The following HS3ST3B1 variants were observed in gnomAD, a reference collection of about 807,000 sequenced individuals.
HS3ST3B1 encodes heparan sulfate-glucosamine 3-sulfotransferase 3B1, also known as heparan sulfate glucosamine 3-O-sulfotransferase 3B1.
A neutral mutation model predicts 21.3 loss-of-function variants in HS3ST3B1; 13 were observed. The observed-to-expected ratio is 0.61, with a 90% CI of 0.40 to 0.97. The LOEUF is 0.97. HS3ST3B1 is among the 50% of genes least tolerant of loss of function. The pLI is 0.00. For synonymous variants in HS3ST3B1, 234 were observed against 254.8 expected, an observed-to-expected ratio of 0.92 and a Z score of 0.78; for missense variants, 459 against 554.8, an observed-to-expected ratio of 0.83 and a Z score of 1.73.
At chr17:14,326,050 C>CGT (rs952833751) in intron 1 of HS3ST3B1, among the ~76,000 whole-genome samples, 10 of 151,630 alleles carry the variant, frequency 6.6e-5, no homozygotes, top group East Asian at 1.9e-4. Flanking sequence ...CACGTGTGTG[C>CGT]GTGTGTGTGT....
chr17:14,340,370 T>C (rs1597603099), intron 1 of HS3ST3B1, among the ~76,000 whole-genome samples: 3 of 151,980 alleles, frequency 2.0e-5, no homozygotes, highest in South Asian at 2.1e-4. Context: ...GAATTCCCCT[T>C]ACCCCTCATG....
chr17:14,348,694 T>C lies in HS3ST3B1; in HGVS notation c.*3048T>C, dbSNP rs759610310. ...TTTACACGAAAAGCTCTGATATTCA[T>C]TGGAGTACTTTATTTTTTTTCCTCA... On this transcript the variant is annotated 3_prime_UTR_variant, in exon 2 of 2. Transcript: ENST00000360954. 12 of 152,184 alleles carry C rather than the reference T, an allele frequency of 7.9e-5. No homozygotes were observed. Among genetic ancestry groups the C allele is most frequent in the Non-Finnish European group, 1.0e-4 (7 of 68,036 alleles). The allele number at this position is 152,184 out of a possible 1,614,324, so 9.4% of individuals were successfully genotyped here.
rs554817675 is a variant in HS3ST3B1 at position 14,340,259 on chromosome 17, C to T, written c.555-4769C>T. Among the ~76,000 whole-genome samples, 219 of 152,288 alleles carry T rather than the reference C, an allele frequency of 1.4e-3. 1 individual carries two copies. The highest frequency in any genetic ancestry group is 5.0e-3 in the African/African-American group (208 of 41,564). ...GTCATTTTGGCATGAACTCCTCACCCTTGATATCTTATCAGGTTCCTCAGC... is the reference window on the plus strand; with the variant it reads ...GTCATTTTGGCATGAACTCCTCACCTTTGATATCTTATCAGGTTCCTCAGC... On this transcript the variant is annotated intron_variant, in intron 1 of 1. Transcript: ENST00000360954.
intron 1 of HS3ST3B1, among the ~76,000 whole-genome samples, chr17:14,337,996 C>G (rs549686577): frequency 6.6e-6 from 1 of 151,720 alleles, no homozygotes; most frequent in South Asian, 2.1e-4. Context: ...TAAAAGAATC[C>G]CATGTTGAAG....
chr17:14,338,516 C>G (rs1388363819), intron 1 of HS3ST3B1, among the ~76,000 whole-genome samples: 1 of 151,644 alleles, frequency 6.6e-6, no homozygotes, highest in Non-Finnish European at 1.5e-5. Context: ...CATCTCGGCT[C>G]ACTGCAACCT....
At chr17:14,309,434 G>A (rs1019185284) in intron 1 of HS3ST3B1, among the ~76,000 whole-genome samples, 1 of 152,208 alleles carries the variant, frequency 6.6e-6, no homozygotes, top group Non-Finnish European at 1.5e-5. Context: ...AGCGGCCCGC[G>A]CTAGAGGTGG....
In HS3ST3B1 at chr17:14,302,069, A is replaced by G; in HGVS notation, c.551A>G (p.Tyr184Cys). 1 of 1,597,430 alleles carries G rather than the reference A, an allele frequency of 6.3e-7. No homozygotes were observed. The highest frequency in any genetic ancestry group is 8.5e-7 in the Non-Finnish European group (1 of 1,176,536). The part of the protein sequence containing the change: ...DRSYDKGLAW[Y>C]RDLMPRTLDG... ...AGCTACGACAAGGGCCTCGCTTGGT[A>G]CCGGTGAGTTTCCCTGCCAGGGGCA... Residue 184 changes from tyrosine to cysteine, a missense_variant, in exon 1 of 2, where the codon TAC (tyrosine) becomes TGC (cysteine). Around this residue, in one of 3 missense-constraint regions of HS3ST3B1, gnomAD observed 317 missense variants for 278.6 expected, o/e 1.14. Coordinates refer to ENST00000360954, the MANE Select transcript of HS3ST3B1 (RefSeq NM_006041.3).
intron 1 of HS3ST3B1, among the ~76,000 whole-genome samples, chr17:14,309,258 G>A (rs930732346): frequency 6.6e-5 from 10 of 152,220 alleles, no homozygotes; most frequent in African/African-American, 2.2e-4. Flanking sequence ...CCTCTGGCCC[G>A]GGGGCCGCTG....
intron 1 of HS3ST3B1, among the ~76,000 whole-genome samples, chr17:14,338,785 C>G (rs1597602324): frequency 6.6e-6 from 1 of 152,116 alleles, no homozygotes; most frequent in Non-Finnish European, 1.5e-5. Context: ...AAATTGAAAG[C>G]CTGAAATACT....
At chr17:14,307,245 T>A (rs1909164080) in intron 1 of HS3ST3B1, among the ~76,000 whole-genome samples, 1 of 152,194 alleles carries the variant, frequency 6.6e-6, no homozygotes, top group African/African-American at 2.4e-5. Flanking sequence ...AATTACATGT[T>A]GGCTAAACTA....
At chr17:14,327,712 C>A (rs1909860146) in intron 1 of HS3ST3B1, 2 of 152,168 alleles carry the variant, frequency 1.3e-5, no homozygotes, top group Admixed American at 1.3e-4. Flanking sequence ...CAGTCATTAG[C>A]TTTAAGCCTT....
chr17:14,345,136 C>T lies in HS3ST3B1; in HGVS notation c.663C>T (p.Thr221=). The T allele has an allele frequency of 6.3e-7, 1 of 1,588,450 alleles. No homozygotes were observed. The highest frequency in any genetic ancestry group is 8.6e-7 in the Non-Finnish European group (1 of 1,163,546). Reference sequence around the variant, plus strand: ...GCATCTCGGCCATGTCCAAGGACACCAAGCTCATCGTGGTGGTGCGGGACC... The same window carrying T: ...GCATCTCGGCCATGTCCAAGGACACTAAGCTCATCGTGGTGGTGCGGGACC... The part of the protein sequence containing the change: ...PARISAMSKD[T]KLIVVVRDPV... The change falls in exon 2 of 2, where the codon ACC becomes ACT. Residue 221 remains threonine, a synonymous_variant. Coordinates refer to ENST00000360954, the MANE Select transcript of HS3ST3B1 (RefSeq NM_006041.3).
rs774248446 is a variant in HS3ST3B1 at position 14,345,567 on chromosome 17, T to G, written c.1094T>G (p.Val365Gly). Residue 365 changes from valine to glycine, a missense_variant, in exon 2 of 2, where the codon GTG becomes GGG. By Grantham distance (109) the Val-to-Gly change is moderately radical. Around this residue, in one of 3 missense-constraint regions of HS3ST3B1, gnomAD observed 127 missense variants for 209.9 expected, o/e 0.60. Coordinates refer to ENST00000360954, the MANE Select transcript of HS3ST3B1 (RefSeq NM_006041.3). The stretch of plus-strand genomic sequence containing the variant: ...CATCCTGAGATCGACCGCGAGGTGG[T>G]GCGCAGGCTGCGCGAGTTCTACCGG... ...RTHPEIDREV[V>G]RRLREFYRPF... is the part of the protein sequence containing the mutation. 1 of 1,565,462 alleles carries G rather than the reference T, an allele frequency of 6.4e-7. No individual in the cohort carries two copies. Among genetic ancestry groups the G allele is most frequent in the Non-Finnish European group, 8.6e-7 (1 of 1,160,426 alleles).
At chr17:14,313,563 C>T (rs749676400) in intron 1 of HS3ST3B1, among the ~76,000 whole-genome samples, 1 of 152,162 alleles carries the variant, frequency 6.6e-6, no homozygotes, top group Non-Finnish European at 1.5e-5. Flanking sequence ...CAAGACTTCC[C>T]TCCGTCATTT....
At chr17:14,318,020 A>T (rs1909551444) in intron 1 of HS3ST3B1, among the ~76,000 whole-genome samples, 2 of 152,164 alleles carry the variant, frequency 1.3e-5, no homozygotes, top group African/African-American at 4.8e-5. Context: ...TGGTGTTTGC[A>T]AATATGGCTG....
At chr17:14,304,857 C>A (rs1307626560) in intron 1 of HS3ST3B1, 1 of 152,222 alleles carries the variant, frequency 6.6e-6, no homozygotes. Flanking sequence ...ATGGTTGAGT[C>A]TGAGGATCAG....
intron 1 of HS3ST3B1, among the ~76,000 whole-genome samples, chr17:14,334,038 G>A (rs1039707514): frequency 6.6e-6 from 1 of 152,204 alleles, no homozygotes; most frequent in Non-Finnish European, 1.5e-5. Flanking sequence ...TGGGATTACA[G>A]GCGTGAGCCA....
intron 1 of HS3ST3B1, among the ~76,000 whole-genome samples, chr17:14,332,935 G>T (rs1327136700): frequency 6.6e-6 from 1 of 150,378 alleles, no homozygotes; most frequent in African/African-American, 2.5e-5. Context: ...TGAGTGCTTG[G>T]CGGTGGTTGC....
At chr17:14,331,745 T>A (rs1910020733) in intron 1 of HS3ST3B1, among the ~76,000 whole-genome samples, 1 of 152,148 alleles carries the variant, frequency 6.6e-6, no homozygotes, top group Non-Finnish European at 1.5e-5. Context: ...CAATTTCAGT[T>A]CAAATTATTC....
Sources: allele counts gnomAD v4.1 joint callset (sites outside exome capture counted in the v4.1 genomes callset), GRCh38; gene constraint gnomAD v4.1.1; regional missense constraint gnomAD v4.1.1; transcripts MANE v1.5; gene names NCBI Gene and HGNC (gene_info 2026-07-23, HGNC 2026-07-21).